SAMD12: variants seen among roughly 807,000 people sequenced by gnomAD.
The protein encoded by SAMD12 is sterile alpha motif domain-containing protein 12.
In SAMD12, 9 loss-of-function variants were observed where a neutral mutation model predicts 15.0. The ratio of observed to expected loss-of-function variants is 0.60; its 90% CI spans 0.36 to 1.05. The LOEUF (loss-of-function observed/expected upper bound fraction) is 1.05, where lower values mean the gene tolerates loss of function less well. Among genes scored for constraint, SAMD12 ranks in the 50% least tolerant of loss-of-function variants. The pLI is 0.01. For synonymous variants in SAMD12, 86 were observed against 90.1 expected, an observed-to-expected ratio of 0.96 and a Z score of 0.25; for missense variants, 230 against 234.2, an observed-to-expected ratio of 0.98 and a Z score of 0.12.
intron 2 of SAMD12, among the ~76,000 whole-genome samples, chr8:118,526,542 C>T (rs554589538): frequency 6.6e-6 from 1 of 152,064 alleles, no homozygotes; most frequent in East Asian, 1.9e-4. Flanking sequence ...AAGCAGGAAA[C>T]AGCATATCAA....
At chr8:118,144,554 G>A in the SAMD12 span, among the ~76,000 whole-genome samples, 21 of 151,932 alleles carry the variant, frequency 1.4e-4, no homozygotes, top group African/African-American at 4.6e-4. Flanking sequence ...TGATGAAAAT[G>A]AGTTTTAATT....
At chr8:118,218,961 C>G (rs912828375) in intron 4 of SAMD12, among the ~76,000 whole-genome samples, 5 of 152,066 alleles carry the variant, frequency 3.3e-5, no homozygotes, top group African/African-American at 1.2e-4. Flanking sequence ...ATTTATAGTT[C>G]TCTGAAAAAT....
chr8:118,423,872 T>G (rs1822130072), intron 3 of SAMD12, among the ~76,000 whole-genome samples: 1 of 152,168 alleles, frequency 6.6e-6, no homozygotes, highest in Non-Finnish European at 1.5e-5. Flanking sequence ...ACTTCCTCGA[T>G]TGCCTGGCAT....
the SAMD12 span, among the ~76,000 whole-genome samples, chr8:118,176,309 A>G: frequency 6.6e-6 from 1 of 152,166 alleles, no homozygotes; most frequent in Non-Finnish European, 1.5e-5. Flanking sequence ...TAAAAAAAGA[A>G]AAAAAGAATA....
chr8:118,571,049 A>G (rs1586827195), intron 2 of SAMD12, among the ~76,000 whole-genome samples: 1 of 152,162 alleles, frequency 6.6e-6, no homozygotes, highest in Non-Finnish European at 1.5e-5. Context: ...TATAAATTGC[A>G]CAGTCTCAGG....
At chr8:118,573,175 C>G (rs1241766529) in intron 2 of SAMD12, among the ~76,000 whole-genome samples, 1 of 152,162 alleles carries the variant, frequency 6.6e-6, no homozygotes, top group Admixed American at 6.5e-5. Context: ...ACCTCCACCT[C>G]CTGGGTTCAA....
intron 1 of SAMD12, among the ~76,000 whole-genome samples, chr8:118,619,764 C>A (rs534261766): frequency 1.8e-4 from 27 of 152,230 alleles, no homozygotes; most frequent in African/African-American, 6.5e-4. Flanking sequence ...GCAGGAGGCA[C>A]TTCCCATAGA....
chr8:118,562,994 G>A (rs1471330968), intron 2 of SAMD12, among the ~76,000 whole-genome samples: 2 of 152,184 alleles, frequency 1.3e-5, no homozygotes, highest in East Asian at 3.9e-4. Flanking sequence ...TATATTTGAG[G>A]AGTGAAGTGA....
chr8:118,568,416 C>T (rs1826909272), intron 2 of SAMD12, among the ~76,000 whole-genome samples: 1 of 152,108 alleles, frequency 6.6e-6, no homozygotes, highest in Admixed American at 6.5e-5. Flanking sequence ...GCACTAAGGA[C>T]TTTGGCTTTA....
At chr8:118,494,884 C>A (rs1471741282) in intron 2 of SAMD12, among the ~76,000 whole-genome samples, 2 of 152,226 alleles carry the variant, frequency 1.3e-5, no homozygotes, top group Non-Finnish European at 2.9e-5. Context: ...TGCCTTCCAT[C>A]TACCCCAAAT....
chr8:118,551,095 C>T (rs968201249), intron 2 of SAMD12, among the ~76,000 whole-genome samples: 1 of 152,194 alleles, frequency 6.6e-6, no homozygotes, highest in Non-Finnish European at 1.5e-5. Flanking sequence ...TAACACCCCA[C>T]TGTCAACATT....
intron 2 of SAMD12, among the ~76,000 whole-genome samples, chr8:118,580,396 A>C (rs973541246): frequency 2.6e-5 from 4 of 152,096 alleles, no homozygotes; most frequent in Non-Finnish European, 5.9e-5. Context: ...TCAGAAAGTC[A>C]CATGACTTTC....
intron 3 of SAMD12, among the ~76,000 whole-genome samples, chr8:118,418,758 A>G (rs1215278216): frequency 2.0e-5 from 3 of 152,172 alleles, no homozygotes; most frequent in Admixed American, 1.3e-4. Context: ...CTTAAATAAA[A>G]AGCAGAAGAA....
At chr8:118,352,539 C>A (rs894496564) in intron 4 of SAMD12, among the ~76,000 whole-genome samples, 1 of 152,096 alleles carries the variant, frequency 6.6e-6, no homozygotes, top group African/African-American at 2.4e-5. Context: ...AAGCATTATG[C>A]AACTGTCAGT....
At chr8:118,363,446 C>T (rs1818605043) in intron 4 of SAMD12, among the ~76,000 whole-genome samples, 2 of 152,204 alleles carry the variant, frequency 1.3e-5, no homozygotes, top group African/African-American at 4.8e-5. Flanking sequence ...AGAGGGAACT[C>T]CTTTTGCCTG....
intron 4 of SAMD12, among the ~76,000 whole-genome samples, chr8:118,261,179 T>A (rs1211590791): frequency 2.0e-5 from 3 of 152,058 alleles, no homozygotes; most frequent in Non-Finnish European, 4.4e-5. Flanking sequence ...ATTATTATTA[T>A]TTTTTTAGCT....
chr8:118,422,898 G>T (rs1334155145), intron 3 of SAMD12, among the ~76,000 whole-genome samples: 1 of 152,180 alleles, frequency 6.6e-6, no homozygotes, highest in Non-Finnish European at 1.5e-5. Flanking sequence ...GGTGTGGGAG[G>T]AGCAAGGGAC....
intron 2 of SAMD12, among the ~76,000 whole-genome samples, chr8:118,457,587 T>C (rs1050767667): frequency 6.6e-6 from 1 of 152,202 alleles, no homozygotes; most frequent in African/African-American, 2.4e-5. Flanking sequence ...AGACTGGTTA[T>C]TTCCCTGGGG....
intron 2 of SAMD12, among the ~76,000 whole-genome samples, chr8:118,502,384 T>C (rs1824809932): frequency 6.6e-6 from 1 of 152,214 alleles, no homozygotes; most frequent in Non-Finnish European, 1.5e-5. Flanking sequence ...TTATTAGCAT[T>C]ACTAGTTTAT....
Sources: gnomAD v4.1 joint callset for allele counts (sites outside exome capture counted in the v4.1 genomes callset) on GRCh38, gnomAD v4.1.1 for gene constraint, MANE v1.5 for transcripts, NCBI Gene and HGNC (gene_info 2026-07-23, HGNC 2026-07-21) for gene names.